The following SCPEP1 variants were observed in gnomAD, a reference collection of about 807,000 sequenced individuals.
SCPEP1 encodes retinoid-inducible serine carboxypeptidase.
Under a neutral mutation model 63.8 loss-of-function variants are expected in SCPEP1, and 51 were observed. The observed-to-expected ratio is 0.80, with a 90% CI of 0.64 to 1.01. The LOEUF is 1.01. Ranked by LOEUF, SCPEP1 falls within the 50% of genes least tolerant of loss-of-function variation. The pLI, the probability that SCPEP1 is intolerant of heterozygous loss-of-function variation, is 0.00. For synonymous variants in SCPEP1, 204 were observed against 207.8 expected, an observed-to-expected ratio of 0.98 and a Z score of 0.16; for missense variants, 499 against 554.9, an observed-to-expected ratio of 0.90 and a Z score of 1.01.
At chr17:57,001,119 T>G in intron 11 of SCPEP1, 127 bp downstream of exon 11, 1 of 970,872 alleles carries the variant, frequency 1.0e-6, no homozygotes, top group Non-Finnish European at 1.6e-6. Context: ...CATTTCCCAT[T>G]ACATCCGTCT....
intron 3 of SCPEP1, chr17:56,987,342 T>C (rs1182472419): frequency 3.3e-5 from 6 of 181,260 alleles, no homozygotes; most frequent in Non-Finnish European, 6.9e-5. Context: ...AGTTAGTGCA[T>C]AGACTGTCTC....
In SCPEP1 at chr17:56,981,464, G is replaced by A. The variant is rs181780738; in HGVS notation, c.225+234G>A. 3.5e-4 allele frequency among the ~76,000 whole-genome samples: 53 copies of A among 152,138 alleles called. No homozygotes were observed. The East Asian group carries it at 9.6e-3, about 28-fold the overall frequency. On this transcript the variant is annotated intron_variant, in intron 2 of 12. Coordinates refer to ENST00000262288, the MANE Select transcript of SCPEP1 (RefSeq NM_021626.3). ...CCAGAGTCTCTTTATATTTCCAGACGGTCACAAGAAGGCTCACTGAAAACT... is the reference window on the plus strand; with the variant it reads ...CCAGAGTCTCTTTATATTTCCAGACAGTCACAAGAAGGCTCACTGAAAACT...
intron 4 of SCPEP1, 32 bp downstream of exon 4, chr17:56,987,882 G>T (rs761214681): frequency 1.2e-6 from 2 of 1,610,628 alleles, no homozygotes; most frequent in African/African-American, 1.3e-5. Context: ...GCTAAGTAAA[G>T]GGCTGGCAAT....
At chr17:57,000,740 C>A in intron 10 of SCPEP1, 115 bp from the exon 11 acceptor site, 1 of 1,210,152 alleles carries the variant, frequency 8.3e-7, no homozygotes, top group Non-Finnish European at 1.2e-6. Context: ...GTTTGTGAAG[C>A]ATCTGTGCAT....
intron 12 of SCPEP1, among the ~76,000 whole-genome samples, chr17:57,005,550 CA>C (rs1725632835): frequency 6.6e-6 from 1 of 152,144 alleles, no homozygotes. Context: ...CAGGGAATTA[CA>C]TAACGGGGAG....
chr17:56,999,981 T>TAAAA (rs761068231), intron 10 of SCPEP1, among the ~76,000 whole-genome samples: 1 of 103,838 alleles, frequency 9.6e-6, no homozygotes, highest in Non-Finnish European at 2.0e-5. Context: ...AAACTCTGTC[T>TAAAA]AAAAAAAAAA....
In SCPEP1 at chr17:57,006,287, C is replaced by CTG; in HGVS notation, c.*53_*54dup. On this transcript the variant is annotated 3_prime_UTR_variant, in exon 13 of 13. Transcript: ENST00000262288. ...TTTGGCCTTGGGGCACAGAGCTGAG[C>CTG]TGAGGCCGCTGAAGCTGTAGGAAGC... The CTG allele has an allele frequency of 4.2e-6, 6 of 1,413,920 alleles. No individual in the cohort carries two copies. Among genetic ancestry groups the CTG allele is most frequent in the Non-Finnish European group, 5.8e-6 (6 of 1,031,942 alleles). The allele number at this position is 1,413,920 out of a possible 1,614,324, so 87.6% of individuals were successfully genotyped here. A position where few individuals can be genotyped will look rare whatever the true frequency, so the allele number is the denominator to read the frequency against.
In SCPEP1 at chr17:57,000,867, A is replaced by C. The variant is rs770827729; in HGVS notation, c.1007A>C (p.Asn336Thr). 5 of 1,614,140 alleles carry C rather than the reference A, an allele frequency of 3.1e-6. No individual in the cohort carries two copies. Among genetic ancestry groups the C allele is most frequent in the Non-Finnish European group, 3.4e-6 (4 of 1,180,036 alleles). The change falls in exon 11 of 13, where the codon AAC becomes ACC. Residue 336 changes from asparagine (N) to threonine (T), a missense_variant. By Grantham distance (65) the Asn-to-Thr change is moderately conservative. Coordinates refer to ENST00000262288, the MANE Select transcript of SCPEP1 (RefSeq NM_021626.3). Reference protein sequence around the residue: ...EDQSWGGQATNVFVNMEEDFM... With the variant: ...EDQSWGGQATTVFVNMEEDFM... ...TCCCCATGTGCAGGCCAGGCTACCAACGTCTTTGTGAACATGGAGGAGGAC... is the reference window on the plus strand; with the variant it reads ...TCCCCATGTGCAGGCCAGGCTACCACCGTCTTTGTGAACATGGAGGAGGAC...
intron 2 of SCPEP1, chr17:56,983,550 G>T (rs1446921628): frequency 2.0e-5 from 3 of 152,222 alleles, no homozygotes; most frequent in Non-Finnish European, 4.4e-5. Flanking sequence ...ATGTGGTATG[G>T]TTGCCTAACC....
intron 3 of SCPEP1, chr17:56,987,125 T>C (rs1325946944): frequency 6.6e-6 from 1 of 152,342 alleles, no homozygotes. Context: ...GGCTTTAATT[T>C]CCTCATCAGC....
At chr17:56,978,382 T>A (rs1304803964) in intron 1 of SCPEP1, 147 bp downstream of exon 1, 2 of 343,474 alleles carry the variant, frequency 5.8e-6, no homozygotes, top group East Asian at 2.4e-4. Context: ...ATCTCACTCT[T>A]TTTTTTTTTT....
intron 5 of SCPEP1, among the ~76,000 whole-genome samples, chr17:56,989,797 A>G (rs1202957511): frequency 1.3e-5 from 2 of 152,184 alleles, no homozygotes; most frequent in Non-Finnish European, 2.9e-5. Context: ...AAATACAAAA[A>G]TTAGCTGGGC....
In SCPEP1 at chr17:56,991,151, A is replaced by G; in HGVS notation, c.599A>G (p.Asp200Gly). ...KCNFAGVALG[D>G]SWISPVDSVL... ...AACTTTGCGGGGGTTGCCTTGGGTGATTCCTGGATCTCCCCTGTTGGTAAG... is the reference window on the plus strand; with the variant it reads ...AACTTTGCGGGGGTTGCCTTGGGTGGTTCCTGGATCTCCCCTGTTGGTAAG... Residue 200 changes from aspartate (D) to glycine (G), a missense_variant, in exon 6 of 13, where the codon GAT (aspartate) becomes GGT (glycine). Coordinates refer to ENST00000262288, the MANE Select transcript of SCPEP1 (RefSeq NM_021626.3). 13 of 1,613,790 alleles carry G rather than the reference A, an allele frequency of 8.1e-6. No homozygotes were observed. Among genetic ancestry groups the G allele is most frequent in the Non-Finnish European group, 1.0e-5 (12 of 1,179,836 alleles).
At chr17:56,998,085 G>A (rs1911622692) in intron 9 of SCPEP1, 1 of 287,730 alleles carries the variant, frequency 3.5e-6, no homozygotes, top group Non-Finnish European at 6.9e-6. Context: ...GGCTGAGGCG[G>A]GTGGATCATG....
rs1911889220 is a variant in SCPEP1, at chr17:57,006,243, G to A, written c.*8G>A. On this transcript the variant is annotated 3_prime_UTR_variant, in exon 13 of 13. Coordinates refer to ENST00000262288, the MANE Select transcript of SCPEP1 (RefSeq NM_021626.3). ...GTGACTCAGCAAGAATAGGATGGATGGGGCTGGAGATGAGCTGGTTTGGCC... is the reference window on the plus strand; with the variant it reads ...GTGACTCAGCAAGAATAGGATGGATAGGGCTGGAGATGAGCTGGTTTGGCC... 1 of 1,609,630 alleles carries A rather than the reference G, an allele frequency of 6.2e-7. No homozygotes were observed.
chr17:56,993,469 GT>G (rs1372352189), intron 6 of SCPEP1, among the ~76,000 whole-genome samples: 3 of 152,214 alleles, frequency 2.0e-5, no homozygotes, highest in Non-Finnish European at 4.4e-5. Flanking sequence ...TTGAGATGGA[GT>G]TTTGCTCTTG....
chr17:56,994,906 G>A, intron 6 of SCPEP1, 75 bp from the exon 7 acceptor site: 2 of 1,306,334 alleles, frequency 1.5e-6, no homozygotes, highest in Non-Finnish European at 2.2e-6. Context: ...CTTCTTTAGA[G>A]AGAAGACAGT....
chr17:56,991,681 A>G (rs1259435791), intron 6 of SCPEP1, among the ~76,000 whole-genome samples: 2 of 152,258 alleles, frequency 1.3e-5, no homozygotes, highest in East Asian at 1.9e-4. Flanking sequence ...GCGAGCATAA[A>G]TAAGAGTTGT....
intron 10 of SCPEP1, 113 bp downstream of exon 10, chr17:56,998,611 T>C (rs1263740287): frequency 1.8e-5 from 14 of 757,936 alleles, no homozygotes; most frequent in Admixed American, 4.1e-5. Context: ...TGATAGGTTA[T>C]AGGTAAACAA....
Sources: allele counts gnomAD v4.1 joint callset (sites outside exome capture counted in the v4.1 genomes callset), GRCh38; gene constraint gnomAD v4.1.1; transcripts MANE v1.5; gene names NCBI Gene and HGNC (gene_info 2026-07-23, HGNC 2026-07-21).